Variants in SLC12A5 observed in about 807,000 individuals in gnomAD.
SLC12A5 encodes the protein K-Cl cotransporter 2.
A neutral mutation model predicts 124.0 loss-of-function variants in SLC12A5; 18 were observed. The observed-to-expected ratio is 0.15, with a 90% CI of 0.10 to 0.22. The LOEUF (loss-of-function observed/expected upper bound fraction) is 0.22, where lower values mean the gene tolerates loss of function less well. Ranked by LOEUF, SLC12A5 falls within the 10% of genes least tolerant of loss-of-function variation. The probability of loss-of-function intolerance (pLI) is 1.00; values close to 1 mark genes in which losing one functional copy is unlikely to be tolerated. For missense variants in SLC12A5, 867 were observed against 1,478.7 expected (o/e 0.59, Z 6.78); for synonymous variants, 589 against 568.0 (o/e 1.04, Z -0.53).
In SLC12A5 at chr20:46,036,743, G is replaced by T. The variant is rs749462257; in HGVS notation, c.429G>T (p.Thr143=). Reference sequence around the variant, plus strand: ...TCTGATGATCTCTTTCCTCACAGACGATGCTCACGGCCATCTCCATGAGTG... The same window carrying T: ...TCTGATGATCTCTTTCCTCACAGACTATGCTCACGGCCATCTCCATGAGTG... ...FCMVFICCSC[T]MLTAISMSAI... The change falls in exon 5 of 26, where the codon ACG becomes ACT. Residue 143 remains threonine (T), a splice_region_variant and synonymous_variant. Transcript: ENST00000243964. The T allele has an allele frequency of 1.9e-6, 3 of 1,613,768 alleles. No homozygotes were observed. The South Asian group carries it at 3.3e-5, about 18-fold the overall frequency.
Position 46,057,450 on chromosome 20 carries a change from G to A in SLC12A5, c.3260-64G>A. 1.2e-6 allele frequency: 2 copies of A among 1,604,874 alleles called. No homozygotes were observed. The highest frequency in any genetic ancestry group is 1.1e-5 in the South Asian group (1 of 90,844). ...GGGCGCGAGAGGTCCCCTGGCAGCC[G>A]AGCGCGACCCCAATTTCGTCGGGAG... On this transcript the variant is annotated intron_variant, in intron 25 of 25. Transcript: ENST00000243964. The surrounding 1 kb of genome is among the most constrained non-coding windows in gnomAD (Gnocchi z 7.1).
In SLC12A5 at chr20:46,057,630, C is replaced by T. The variant is rs950730264; in HGVS notation, c.*25C>T. On this transcript the variant is annotated 3_prime_UTR_variant, in exon 26 of 26. Transcript: ENST00000243964. The surrounding 1 kb of genome is among the most constrained non-coding windows in gnomAD (Gnocchi z 7.1). The stretch of plus-strand genomic sequence containing the variant: ...AGAACCAGGACCTGCCACCCGGGCC[C>T]GAGCGCGCCCGGCCCGCGGCTCCGG... 14 of 1,588,464 alleles carry T rather than the reference C, an allele frequency of 8.8e-6. No individual in the cohort carries two copies. The highest frequency in any genetic ancestry group is 1.7e-5 in the Admixed American group (1 of 57,280).
intron 2 of SLC12A5, chr20:46,023,145 C>T (rs1234105955): frequency 7.5e-6 from 3 of 397,994 alleles, no homozygotes; most frequent in Admixed American, 4.4e-5. Flanking sequence ...TGGCGGACCT[C>T]CTCATTGTAC....
At chr20:46,040,826 G>T in intron 7 of SLC12A5, 2 of 690,770 alleles carry the variant, frequency 2.9e-6, no homozygotes, top group Non-Finnish European at 4.7e-6. Context: ...AATTTACCTT[G>T]TAAGAGTCAA....
chr20:46,023,132 A>G, intron 2 of SLC12A5: 4 of 398,370 alleles, frequency 1.0e-5, no homozygotes, highest in Non-Finnish European at 1.8e-5. Flanking sequence ...TTAGGGGGTT[A>G]TCTGGCGGAC....
chr20:46,031,354 G>A (rs2084447734), intron 1 of SLC12A5, among the ~76,000 whole-genome samples: 1 of 152,120 alleles, frequency 6.6e-6, no homozygotes, highest in African/African-American at 2.4e-5. Flanking sequence ...CCAGAACCTG[G>A]GTCATGTGCT....
downstream of SLC12A5, chr20:46,023,700 C>T: frequency 2.8e-6 from 1 of 358,426 alleles, no homozygotes. Flanking sequence ...TAACCTTTTC[C>T]AAAAACCTTT....
chr20:46,036,771 A>G lies in SLC12A5; in HGVS notation c.457A>G (p.Ile153Val). The part of the protein sequence containing the change: ...TMLTAISMSA[I>V]ATNGVVPAGG... ...GCTCACGGCCATCTCCATGAGTGCA[A>G]TTGCAACGAATGGTGTTGTGCCTGG... is the stretch of plus-strand genomic sequence containing the variant. Residue 153 changes from isoleucine (I) to valine (V), a missense_variant, in exon 5 of 26, where the codon ATT becomes GTT. By Grantham distance (29) the Ile-to-Val change is conservative (BLOSUM62 3). Coordinates refer to ENST00000243964, the MANE Select transcript of SLC12A5 (RefSeq NM_020708.5). 3.7e-6 allele frequency: 6 copies of G among 1,613,816 alleles called. No homozygotes were observed. Among genetic ancestry groups the G allele is most frequent in the Non-Finnish European group, 4.2e-6 (5 of 1,179,892 alleles).
In SLC12A5 at chr20:46,049,656, G is replaced by A; in HGVS notation, c.2047G>A (p.Asp683Asn). ...QLLVLVRVDQ[D>N]QNVVHPQLLS... The stretch of plus-strand genomic sequence containing the variant: ...GCTGGTGCTGGTGCGTGTGGACCAA[G>A]ACCAGAATGTGGTGCACCCCCAGCT... The change falls in exon 17 of 26, where the codon GAC (aspartate) becomes AAC (asparagine). Residue 683 changes from aspartate to asparagine, a missense_variant. Physicochemically the swap from Asp to Asn is conservative, Grantham distance 23. Around this residue, in one of 9 missense-constraint regions of SLC12A5, gnomAD observed 38 missense variants for 36.2 expected, o/e 1.05. Coordinates refer to ENST00000243964, the MANE Select transcript of SLC12A5 (RefSeq NM_020708.5). 1 of 1,606,586 alleles carries A rather than the reference G, an allele frequency of 6.2e-7. No individual in the cohort carries two copies. The highest frequency in any genetic ancestry group is 1.7e-4 in the Middle Eastern group (1 of 6,040).
rs2084494576 is a variant in SLC12A5 at position 46,035,939 on chromosome 20, C to A, written c.426+16C>A. 3.1e-6 allele frequency: 5 copies of A among 1,597,088 alleles called. No homozygotes were observed. The highest frequency in any genetic ancestry group is 4.3e-6 in the Non-Finnish European group (5 of 1,167,466). ...CTGCTCCTGTGTGAGTGACACCCCT[C>A]CCCTCACCACCCCCTGACAGCTGGG... On this transcript the variant is annotated intron_variant, in intron 4 of 25. Coordinates refer to ENST00000243964, the MANE Select transcript of SLC12A5 (RefSeq NM_020708.5).
chr20:46,045,257 G>C lies in SLC12A5; in HGVS notation c.1569+117G>C. The stretch of plus-strand genomic sequence containing the variant: ...TTAGACTACCTCCTGGGCCACTTCT[G>C]CTCTGTACTGCACTGGCCAGGCCTA... On this transcript the variant is annotated intron_variant, in intron 12 of 25. Coordinates refer to ENST00000243964, the MANE Select transcript of SLC12A5 (RefSeq NM_020708.5). The surrounding 1 kb of genome is among the most constrained non-coding windows in gnomAD (Gnocchi z 4.9). 1 of 1,206,992 alleles carries C rather than the reference G, an allele frequency of 8.3e-7. No individual in the cohort carries two copies. The highest frequency in any genetic ancestry group is 2.5e-5 in the East Asian group (1 of 39,288). 74.8% of individuals were successfully genotyped at this position (1,206,992 alleles called of 1,614,324 possible).
intron 1 of SLC12A5, chr20:46,022,096 A>G (rs1600581160): frequency 1.1e-5 from 2 of 177,530 alleles, no homozygotes; most frequent in Non-Finnish European, 1.6e-5. Flanking sequence ...GCCAAACGCG[A>G]GGTGGGCGTG....
chr20:46,050,059 C>T (rs1446685067), intron 17 of SLC12A5, among the ~76,000 whole-genome samples: 2 of 152,292 alleles, frequency 1.3e-5, no homozygotes, highest in South Asian at 2.1e-4. Context: ...TGTCTAAGGA[C>T]AGAAAATGAA....
At chr20:46,025,711 C>T (rs1035617831), upstream of SLC12A5, among the ~76,000 whole-genome samples, 1 of 152,176 alleles carries the variant, frequency 6.6e-6, no homozygotes, top group African/African-American at 2.4e-5. Flanking sequence ...TGGTGGTTGA[C>T]GTGCTCCGCA....
chr20:46,035,579 G>A (rs747065754), intron 3 of SLC12A5, 44 bp downstream of exon 3: 44 of 1,570,018 alleles, frequency 2.8e-5, no homozygotes, highest in Non-Finnish European at 3.5e-5. Context: ...AGGGACGGAT[G>A]GGGGGTGGGG....
chr20:46,029,461 G>A (rs1022111424), intron 1 of SLC12A5, 65 bp downstream of exon 1: 1 of 1,508,620 alleles, frequency 6.6e-7, no homozygotes, highest in African/African-American at 1.4e-5. Flanking sequence ...TCTGGGGTTA[G>A]AGGCGGAGCG....
chr20:46,057,616 C>T lies in SLC12A5; in HGVS notation c.*11C>T. On this transcript the variant is annotated 3_prime_UTR_variant, in exon 26 of 26. Coordinates refer to ENST00000243964, the MANE Select transcript of SLC12A5 (RefSeq NM_020708.5). The surrounding 1 kb of genome is among the most constrained non-coding windows in gnomAD (Gnocchi z 7.1). Reference sequence around the variant, plus strand: ...ACCATCTACTCCTGAGAACCAGGACCTGCCACCCGGGCCCGAGCGCGCCCG... The same window carrying T: ...ACCATCTACTCCTGAGAACCAGGACTTGCCACCCGGGCCCGAGCGCGCCCG... 1.2e-6 allele frequency: 2 copies of T among 1,607,592 alleles called. No individual in the cohort carries two copies. Among genetic ancestry groups the T allele is most frequent in the Non-Finnish European group, 1.7e-6 (2 of 1,176,224 alleles).
In SLC12A5 at chr20:46,057,151, C is replaced by T. The variant is rs766692928; in HGVS notation, c.3126-19C>T. The T allele has an allele frequency of 8.7e-6, 14 of 1,613,582 alleles. No homozygotes were observed. Among genetic ancestry groups the T allele is most frequent in the Admixed American group, 1.7e-5 (1 of 60,008 alleles). On this transcript the variant is annotated intron_variant, in intron 24 of 25. Coordinates refer to ENST00000243964, the MANE Select transcript of SLC12A5 (RefSeq NM_020708.5). This position sits in a 1 kb window ranked among gnomAD's most constrained non-coding sequence, Gnocchi z 7.1. ...ACCCCCCCGGCTCACGCGGTCTCCA[C>T]TCCTCCTTCCTGCCGCAGGAACCAG...
At position 46,041,410 on chromosome 20, in the gene SLC12A5, G is replaced by A. The variant is rs150595305; in HGVS notation, c.936G>A (p.Thr312=). 1.9e-4 allele frequency: 306 copies of A among 1,614,126 alleles called. 1 individual carries two copies. Among genetic ancestry groups the A allele is most frequent in the East Asian group, 9.8e-4 (44 of 44,880 alleles). ...CAKLAWEGNE[T]VTTRLWGLFC... is the part of the protein sequence containing the mutation. ...AGCTGGCTTGGGAAGGAAATGAGAC[G>A]GTGACCACACGGCTATGGGGCCTTT... The change falls in exon 8 of 26, where the codon ACG becomes ACA. Residue 312 remains threonine, a synonymous_variant. Coordinates refer to ENST00000243964, the MANE Select transcript of SLC12A5 (RefSeq NM_020708.5).
Sources: gnomAD v4.1 joint callset for allele counts (sites outside exome capture counted in the v4.1 genomes callset) on GRCh38, gnomAD v4.1.1 for gene constraint, gnomAD v4.1.1 regional missense constraint, Gnocchi (gnomAD v3.1) non-coding constraint, MANE v1.5 for transcripts, NCBI Gene and HGNC (gene_info 2026-07-23, HGNC 2026-07-21) for gene names.